The following RRM2B variants were observed in gnomAD, a reference collection of about 807,000 sequenced individuals.
The protein encoded by RRM2B is ribonucleoside-diphosphate reductase subunit M2 B.
In RRM2B, 20 loss-of-function variants were observed where a neutral mutation model predicts 45.9. The ratio of observed to expected loss-of-function variants is 0.44; its 90% confidence interval spans 0.31 to 0.63. RRM2B has a LOEUF of 0.63. RRM2B is among the 30% of genes least tolerant of loss of function. The pLI, the probability that RRM2B is intolerant of heterozygous loss-of-function variation, is 0.09. For synonymous variants in RRM2B, 124 were observed against 132.3 expected, an observed-to-expected ratio of 0.94 and a Z score of 0.43; for missense variants, 320 against 414.7, an observed-to-expected ratio of 0.77 and a Z score of 1.98.
At chr8:102,213,257 T>C (rs1171225987) in intron 7 of RRM2B, among the ~76,000 whole-genome samples, 6 of 151,652 alleles carry the variant, frequency 4.0e-5, no homozygotes, top group Admixed American at 3.3e-4. Context: ...AACATGACTA[T>C]GGAAGGGAGC....
chr8:102,217,797 T>C (rs1458077391), intron 6 of RRM2B, among the ~76,000 whole-genome samples: 1 of 149,360 alleles, frequency 6.7e-6, no homozygotes, highest in Admixed American at 6.7e-5. Context: ...TTTTGAGATG[T>C]CTCTTCTGAG....
intron 1 of RRM2B, 198 bp downstream of exon 1, chr8:102,238,629 A>G (rs749011770): frequency 2.0e-6 from 3 of 1,532,306 alleles, no homozygotes; most frequent in African/African-American, 2.7e-5. Flanking sequence ...ACGCAAACCC[A>G]AAGTCAGCTC....
At chr8:102,216,093 G>A (rs1415960714) in intron 6 of RRM2B, among the ~76,000 whole-genome samples, 1 of 151,790 alleles carries the variant, frequency 6.6e-6, no homozygotes, top group Non-Finnish European at 1.5e-5. Flanking sequence ...AATAAAATCT[G>A]ATAGGTCAAT....
intron 4 of RRM2B, among the ~76,000 whole-genome samples, chr8:102,224,369 T>C (rs1447875281): frequency 6.6e-6 from 1 of 152,084 alleles, no homozygotes; most frequent in East Asian, 1.9e-4. Context: ...AGAGACGTGG[T>C]TTCACTGTGT....
chr8:102,229,071 T>C (rs28999703), intron 2 of RRM2B, among the ~76,000 whole-genome samples: 268 of 152,262 alleles, frequency 1.8e-3, no homozygotes, highest in African/African-American at 6.1e-3. Context: ...CTGGTCAACA[T>C]AGTGAAACCC....
At chr8:102,218,744 A>T in intron 6 of RRM2B, 70 bp downstream of exon 6, 351 of 1,106,830 alleles carry the variant, frequency 3.2e-4, no homozygotes, top group Non-Finnish European at 4.2e-4. Context: ...AAAAAAAAAG[A>T]TGGAAAAGAA....
At chr8:102,236,923 C>CAT (rs1399489419) in intron 1 of RRM2B, among the ~76,000 whole-genome samples, 7 of 152,202 alleles carry the variant, frequency 4.6e-5, no homozygotes, top group Admixed American at 2.0e-4. Context: ...AGGCTGGCAT[C>CAT]ATACCAGGCT....
chr8:102,235,583 G>C (rs28999682), intron 1 of RRM2B, among the ~76,000 whole-genome samples: 1 of 152,244 alleles, frequency 6.6e-6, no homozygotes, highest in African/African-American at 2.4e-5. Flanking sequence ...CCTCACGCCT[G>C]TAATCCCAGC....
rs1811183564 is a variant in RRM2B at position 102,238,954 on chromosome 8, G to A, written c.-80C>T. 2.8e-6 allele frequency: 4 copies of A among 1,423,944 alleles called. No homozygotes were observed. Among genetic ancestry groups the A allele is most frequent in the Non-Finnish European group, 3.9e-6 (4 of 1,029,200 alleles). 88.2% of individuals were successfully genotyped at this position (1,423,944 alleles called of 1,614,324 possible). On this transcript the variant is annotated 5_prime_UTR_variant, in exon 1 of 9. Transcript: ENST00000251810. ...CCTCCAACTACGACAGCACCCAGGT[G>A]GTCCGCTGGTCCGCTGGGTCCGCCC... is the stretch of plus-strand genomic sequence containing the variant.
chr8:102,214,654 T>G (rs1007753480), intron 6 of RRM2B, among the ~76,000 whole-genome samples: 1 of 150,720 alleles, frequency 6.6e-6, no homozygotes, highest in Middle Eastern at 3.4e-3. Context: ...CGGTGGCTCA[T>G]GCCTGTAATC....
At chr8:102,211,276 G>T (rs575307947) in intron 8 of RRM2B, among the ~76,000 whole-genome samples, 2 of 152,160 alleles carry the variant, frequency 1.3e-5, no homozygotes, top group Non-Finnish European at 2.9e-5. Context: ...GATTAGAGGT[G>T]TGAGCCACCG....
At chr8:102,235,629 AAG>A in intron 1 of RRM2B, among the ~76,000 whole-genome samples, 1 of 152,254 alleles carries the variant, frequency 6.6e-6, no homozygotes, top group Middle Eastern at 3.4e-3. Context: ...TCACAAGGTC[AAG>A]AGATTGAGAC....
At chr8:102,212,953 G>T (rs1810660950) in intron 7 of RRM2B, 64 bp from the exon 8 acceptor site, 4 of 839,340 alleles carry the variant, frequency 4.8e-6, no homozygotes, top group Non-Finnish European at 8.0e-6. Flanking sequence ...TTTCCAAATA[G>T]AAAGAGGACT....
chr8:102,225,090 A>G, intron 3 of RRM2B, 72 bp from the exon 4 acceptor site: 1 of 1,530,818 alleles, frequency 6.5e-7, no homozygotes, highest in East Asian at 2.3e-5. Flanking sequence ...CAGAATCTGG[A>G]CATCAGCATT....
chr8:102,235,566 C>A (rs990040667), intron 1 of RRM2B, among the ~76,000 whole-genome samples: 1 of 152,320 alleles, frequency 6.6e-6, no homozygotes, highest in Non-Finnish European at 1.5e-5. Flanking sequence ...TCAGGCCCGG[C>A]GTGGTGCCTC....
Position 102,207,921 on chromosome 8 carries a change from A to C in RRM2B, c.*212T>G. ...TCTTAACCACATAATGCCATCTTTT[A>C]TTTCAGTGACAAGACAAAAGCATTT... On this transcript the variant is annotated 3_prime_UTR_variant, in exon 9 of 9. Coordinates refer to ENST00000251810, the MANE Select transcript of RRM2B (RefSeq NM_015713.5). 9 of 508,714 alleles carry C rather than the reference A, an allele frequency of 1.8e-5. No individual in the cohort carries two copies. Among genetic ancestry groups the C allele is most frequent in the Non-Finnish European group, 3.2e-5 (9 of 284,934 alleles). The allele number at this position is 508,714 out of a possible 1,614,324, so 31.5% of individuals were successfully genotyped here.
rs532667950 is a variant in RRM2B, at chr8:102,218,382, T to C, written c.684+432A>G. ...AAGATGACGTGACTTCCTATTTTAA[T>C]TACCAGGATACTCATGTCACCACAG... On this transcript the variant is annotated intron_variant, in intron 6 of 8. Coordinates refer to ENST00000251810, the MANE Select transcript of RRM2B (RefSeq NM_015713.5). 4.6e-5 allele frequency among the ~76,000 whole-genome samples: 7 copies of C among 152,238 alleles called. No individual in the cohort carries two copies. In the East Asian group the frequency reaches 1.3e-3, roughly 29 times the overall value.
chr8:102,211,039 T>C (rs1450589883), intron 8 of RRM2B, among the ~76,000 whole-genome samples: 2 of 151,780 alleles, frequency 1.3e-5, no homozygotes, highest in African/African-American at 4.8e-5. Flanking sequence ...AGAGAAAGGG[T>C]CTCACTCTGT....
At position 102,204,623 on chromosome 8, in the gene RRM2B, A is replaced by G. The variant is rs1457101277; in HGVS notation, c.*3510T>C. 6.6e-6 allele frequency: 1 copy of G among 152,220 alleles called. No individual in the cohort carries two copies. The highest frequency in any genetic ancestry group is 1.5e-5 in the Non-Finnish European group (1 of 68,028). The allele number at this position is 152,220 out of a possible 1,614,324, so 9.4% of individuals were successfully genotyped here. A position where few individuals can be genotyped will look rare whatever the true frequency, so the allele number is the denominator to read the frequency against. On this transcript the variant is annotated 3_prime_UTR_variant, in exon 9 of 9. Coordinates refer to ENST00000251810, the MANE Select transcript of RRM2B (RefSeq NM_015713.5). ...TATTTCAACATACTAAGCCAAAAAAATAAGAAAACAACTAATTTATTTGAA... is the reference window on the plus strand; with the variant it reads ...TATTTCAACATACTAAGCCAAAAAAGTAAGAAAACAACTAATTTATTTGAA...
Sources: allele counts gnomAD v4.1 joint callset (sites outside exome capture counted in the v4.1 genomes callset), GRCh38; gene constraint gnomAD v4.1.1; transcripts MANE v1.5; gene names NCBI Gene and HGNC (gene_info 2026-07-23, HGNC 2026-07-21).